Variants in HRH1 observed in about 807,000 individuals in gnomAD.
HRH1 encodes the protein histamine H1 receptor.
In HRH1, 6 loss-of-function variants were observed where a neutral mutation model predicts 10.3. The observed-to-expected ratio is 0.58, with a 90% confidence interval of 0.32 to 1.15. HRH1 has a LOEUF of 1.15. Ranked by LOEUF, HRH1 falls within the 50% of genes most tolerant of loss-of-function variation. The pLI, the probability that HRH1 is intolerant of heterozygous loss-of-function variation, is 0.05. For synonymous variants in HRH1, 242 were observed against 236.7 expected (o/e 1.02, Z -0.21); for missense variants, 514 against 615.3 (o/e 0.84, Z 1.74).
chr3:11,257,399 A>T (rs2152589369), intron 1 of HRH1, among the ~76,000 whole-genome samples: 1 of 152,078 alleles, frequency 6.6e-6, no homozygotes, highest in Admixed American at 6.5e-5. Flanking sequence ...CTACTAAAAA[A>T]ATACAAAAAA....
At chr3:11,205,900 T>G (rs1292363889) in intron 1 of HRH1, among the ~76,000 whole-genome samples, 1 of 152,008 alleles carries the variant, frequency 6.6e-6, no homozygotes, top group East Asian at 1.9e-4. Flanking sequence ...GACCTCGTGA[T>G]CCGCCCGCCG....
At chr3:11,257,159 A>G (rs1386383469) in intron 1 of HRH1, among the ~76,000 whole-genome samples, 1 of 151,220 alleles carries the variant, frequency 6.6e-6, no homozygotes, top group East Asian at 1.9e-4. Context: ...AGGCTAAGGC[A>G]TGAGAATCAC....
intron 1 of HRH1, among the ~76,000 whole-genome samples, chr3:11,249,320 G>A (rs528106572): frequency 7.3e-5 from 11 of 151,306 alleles, no homozygotes; most frequent in South Asian, 6.3e-4. Flanking sequence ...GGAGAATGGC[G>A]TGAACTCGGG....
intron 1 of HRH1, among the ~76,000 whole-genome samples, chr3:11,225,471 G>A (rs932970898): frequency 1.3e-5 from 2 of 152,132 alleles, no homozygotes; most frequent in African/African-American, 4.8e-5. Context: ...TAGCCCCGAG[G>A]GATGATCAGG....
intron 1 of HRH1, among the ~76,000 whole-genome samples, chr3:11,198,052 C>G (rs1463081321): frequency 6.6e-6 from 1 of 152,118 alleles, no homozygotes; most frequent in African/African-American, 2.4e-5. Context: ...TCCCTGGGCC[C>G]TCATTACTCG....
At chr3:11,213,397 T>C (rs1009933955) in intron 1 of HRH1, among the ~76,000 whole-genome samples, 3 of 152,198 alleles carry the variant, frequency 2.0e-5, no homozygotes, top group Admixed American at 1.3e-4. Context: ...GACATGGCTA[T>C]AGAGGTTTGC....
At chr3:11,196,486 A>G (rs1050073874) in intron 1 of HRH1, among the ~76,000 whole-genome samples, 25 of 151,774 alleles carry the variant, frequency 1.6e-4, no homozygotes, top group African/African-American at 5.8e-4. Flanking sequence ...GCTCACTGCA[A>G]CCTCTGCCTC....
chr3:11,208,991 G>A (rs1399478864), intron 1 of HRH1, among the ~76,000 whole-genome samples: 1 of 152,172 alleles, frequency 6.6e-6, no homozygotes, highest in Non-Finnish European at 1.5e-5. Flanking sequence ...TGAGATGCCA[G>A]TTTCCTTCAC....
chr3:11,141,943 A>G (rs1459347104), intron 1 of HRH1, among the ~76,000 whole-genome samples: 1 of 152,196 alleles, frequency 6.6e-6, no homozygotes, highest in Non-Finnish European at 1.5e-5. Flanking sequence ...AGCTCTTAAC[A>G]CTGCCCTGTG....
chr3:11,157,251 G>T (rs1305396398), intron 1 of HRH1, among the ~76,000 whole-genome samples: 1 of 152,148 alleles, frequency 6.6e-6, no homozygotes, highest in African/African-American at 2.4e-5. Flanking sequence ...GCCAGTATCT[G>T]TTTCTCAGGA....
intron 1 of HRH1, among the ~76,000 whole-genome samples, chr3:11,169,612 G>C (rs1937114668): frequency 6.6e-6 from 1 of 152,028 alleles, no homozygotes; most frequent in Admixed American, 6.5e-5. Flanking sequence ...ATGAGGTTTG[G>C]GCAGGCTGGG....
chr3:11,191,233 G>A (rs142855315), intron 1 of HRH1, among the ~76,000 whole-genome samples: 225 of 152,234 alleles, frequency 1.5e-3, no homozygotes, highest in African/African-American at 5.3e-3. Flanking sequence ...TCTGTAACGG[G>A]GTATACACTT....
Position 11,166,333 on chromosome 3 carries a change from G to C in HRH1, c.-36+11779G>C, listed in dbSNP as rs1048235895. On this transcript the variant is annotated intron_variant, in intron 1 of 1. Transcript: ENST00000431010. Reference sequence around the variant, plus strand: ...GAGAAACGCTCTTCCCAAGTTCCCCGGTCCATGCACATACCAAATAACTCT... The same window carrying C: ...GAGAAACGCTCTTCCCAAGTTCCCCCGTCCATGCACATACCAAATAACTCT... 3.3e-5 allele frequency among the ~76,000 whole-genome samples: 5 copies of C among 152,266 alleles called. No individual in the cohort carries two copies. In the South Asian group the frequency reaches 1.0e-3, roughly 32 times the overall value.
At chr3:11,217,228 CAGAA>C (rs1413336906) in intron 1 of HRH1, among the ~76,000 whole-genome samples, 2 of 145,452 alleles carry the variant, frequency 1.4e-5, no homozygotes, top group Non-Finnish European at 3.0e-5. Context: ...AAAAAAAAAA[CAGAA>C]AGAAAAACAA....
chr3:11,156,107 C>G (rs1468920647), intron 1 of HRH1, among the ~76,000 whole-genome samples: 2 of 152,198 alleles, frequency 1.3e-5, no homozygotes, highest in African/African-American at 4.8e-5. Context: ...GAAAGCCAGG[C>G]AGCAGGTCCA....
At chr3:11,142,778 G>A (rs1936317162) in intron 1 of HRH1, among the ~76,000 whole-genome samples, 1 of 152,180 alleles carries the variant, frequency 6.6e-6, no homozygotes, top group Non-Finnish European at 1.5e-5. Flanking sequence ...GCTGAGCATG[G>A]TGGCAGGTGC....
intron 1 of HRH1, among the ~76,000 whole-genome samples, chr3:11,256,139 T>C (rs1939774964): frequency 6.6e-6 from 1 of 151,286 alleles, no homozygotes; most frequent in Non-Finnish European, 1.5e-5. Context: ...CAGCACAGAG[T>C]GACAGGAGCA....
At chr3:11,204,537 A>G (rs1938045608) in intron 1 of HRH1, among the ~76,000 whole-genome samples, 1 of 152,158 alleles carries the variant, frequency 6.6e-6, no homozygotes, top group South Asian at 2.1e-4. Context: ...GGGAGGATGA[A>G]ATAAGCTGAC....
intron 1 of HRH1, among the ~76,000 whole-genome samples, chr3:11,258,017 A>C (rs1471169642): frequency 1.3e-5 from 2 of 152,202 alleles, no homozygotes; most frequent in Non-Finnish European, 2.9e-5. Context: ...GGCATGATTT[A>C]TGTAATTTAA....
Sources: gnomAD v4.1 joint callset for allele counts (sites outside exome capture counted in the v4.1 genomes callset) on GRCh38, gnomAD v4.1.1 for gene constraint, MANE v1.5 for transcripts, NCBI Gene and HGNC (gene_info 2026-07-23, HGNC 2026-07-21) for gene names.